DIAPH3: variants seen among roughly 807,000 people sequenced by gnomAD.
The protein encoded by DIAPH3 is diaphanous related formin 3, also known as protein diaphanous homolog 3.
Under a neutral mutation model 144.3 loss-of-function variants are expected in DIAPH3, and 117 were observed. The ratio of observed to expected loss-of-function variants is 0.81; its 90% CI spans 0.70 to 0.95. The LOEUF (loss-of-function observed/expected upper bound fraction) is 0.95. Among genes scored for constraint, DIAPH3 ranks in the 40% least tolerant of loss-of-function variants. The pLI is 0.00. For missense variants in DIAPH3, 1,421 were observed against 1,412.7 expected (o/e 1.01, Z -0.09); for synonymous variants, 519 against 488.9 (o/e 1.06, Z -0.81).
At chr13:59,967,154 C>T (rs1041270068) in intron 17 of DIAPH3, among the ~76,000 whole-genome samples, 11 of 152,038 alleles carry the variant, frequency 7.2e-5, no homozygotes, top group Non-Finnish European at 2.9e-5. Flanking sequence ...GCAACCTCTG[C>T]CTCCCAGGTT....
intron 25 of DIAPH3, among the ~76,000 whole-genome samples, chr13:59,779,378 T>C (rs1056012069): frequency 6.6e-6 from 1 of 152,192 alleles, no homozygotes; most frequent in Non-Finnish European, 1.5e-5. Context: ...GATAAATTGC[T>C]AAGTGATATA....
At chr13:60,102,065 T>C (rs1021553164) in intron 3 of DIAPH3, among the ~76,000 whole-genome samples, 1 of 152,206 alleles carries the variant, frequency 6.6e-6, no homozygotes, top group African/African-American at 2.4e-5. Flanking sequence ...AAAAGAAAGC[T>C]ATAATTCCAT....
chr13:59,752,095 T>C (rs1423514232), intron 27 of DIAPH3, among the ~76,000 whole-genome samples: 1 of 152,228 alleles, frequency 6.6e-6, no homozygotes, highest in East Asian at 1.9e-4. Flanking sequence ...GCCAATATCC[T>C]TGTTAGTATA....
intron 13 of DIAPH3, 112 bp from the exon 14 acceptor site, chr13:59,980,971 C>G: frequency 1.3e-6 from 1 of 782,796 alleles, no homozygotes; most frequent in Non-Finnish European, 2.1e-6. Flanking sequence ...CTGATACTAC[C>G]AGTAATAAAC....
At chr13:60,043,963 G>A (rs1313531879) in intron 4 of DIAPH3, among the ~76,000 whole-genome samples, 1 of 152,024 alleles carries the variant, frequency 6.6e-6, no homozygotes, top group Non-Finnish European at 1.5e-5. Flanking sequence ...AAACTTGAGT[G>A]TTTAAATAAA....
At chr13:59,734,258 C>A (rs1449112152) in intron 27 of DIAPH3, among the ~76,000 whole-genome samples, 1 of 152,062 alleles carries the variant, frequency 6.6e-6, no homozygotes, top group Non-Finnish European at 1.5e-5. Context: ...TAATACGTGA[C>A]ATTCTGCATT....
intron 2 of DIAPH3, among the ~76,000 whole-genome samples, chr13:60,129,291 A>G (rs1043451047): frequency 6.6e-6 from 1 of 152,156 alleles, no homozygotes; most frequent in African/African-American, 2.4e-5. Flanking sequence ...GGTATAAGCA[A>G]TGGAAGTTAT....
chr13:60,053,897 G>C (rs934967465), intron 4 of DIAPH3, among the ~76,000 whole-genome samples: 2 of 152,032 alleles, frequency 1.3e-5, no homozygotes, highest in Admixed American at 6.6e-5. Flanking sequence ...GAAAGAAGAT[G>C]ATACAGCATA....
At chr13:59,876,599 A>G (rs1054298635) in intron 21 of DIAPH3, among the ~76,000 whole-genome samples, 1 of 152,184 alleles carries the variant, frequency 6.6e-6, no homozygotes, top group Non-Finnish European at 1.5e-5. Context: ...TCATTCATTC[A>G]ACAGCTATTT....
At chr13:59,775,404 G>A (rs927864210) in intron 25 of DIAPH3, among the ~76,000 whole-genome samples, 2 of 152,010 alleles carry the variant, frequency 1.3e-5, no homozygotes, top group East Asian at 1.9e-4. Context: ...CACCACGCCC[G>A]GCTAATTTTT....
At chr13:59,968,039 T>A (rs887673421) in intron 17 of DIAPH3, among the ~76,000 whole-genome samples, 6 of 152,196 alleles carry the variant, frequency 3.9e-5, no homozygotes, top group East Asian at 1.9e-4. Context: ...GATGGAAATA[T>A]GGAGTATGCA....
At chr13:60,074,883 T>C (rs1369652876) in intron 4 of DIAPH3, among the ~76,000 whole-genome samples, 1 of 152,204 alleles carries the variant, frequency 6.6e-6, no homozygotes, top group African/African-American at 2.4e-5. Context: ...ATCATGTCTC[T>C]ATTGATAAAT....
intron 4 of DIAPH3, among the ~76,000 whole-genome samples, chr13:60,075,383 C>T (rs1216079383): frequency 6.6e-6 from 1 of 152,022 alleles, no homozygotes; most frequent in Non-Finnish European, 1.5e-5. Flanking sequence ...CTTGCTCCCT[C>T]TCTCTCTCTC....
At chr13:60,134,037 A>T (rs1472231902) in intron 1 of DIAPH3, among the ~76,000 whole-genome samples, 1 of 152,200 alleles carries the variant, frequency 6.6e-6, no homozygotes, top group Non-Finnish European at 1.5e-5. Flanking sequence ...CTCAGTGATG[A>T]TCCAGATTAA....
intron 4 of DIAPH3, among the ~76,000 whole-genome samples, chr13:60,076,705 GA>G (rs142034169): frequency 0.039 from 5,957 of 151,916 alleles, 170 homozygotes; most frequent in East Asian, 0.1. Flanking sequence ...TCTGAAAGAA[GA>G]AAAAAAGACT....
chr13:59,719,284 G>A lies in DIAPH3; in HGVS notation c.3320-52438C>T, dbSNP rs114413707. Among the ~76,000 whole-genome samples the A allele has an allele frequency of 6.9e-3, 1,045 of 152,272 alleles. 12 individuals carry two copies. Among genetic ancestry groups the A allele is most frequent in the African/African-American group, 0.023 (936 of 41,562 alleles). ...GTTCAATTGTAGCACATATAATGAA[G>A]AGAGCCACATTTTTACTTAGTGAAG... is the stretch of plus-strand genomic sequence containing the variant. On this transcript the variant is annotated intron_variant, in intron 27 of 27. Transcript: ENST00000400324.
intron 27 of DIAPH3, among the ~76,000 whole-genome samples, chr13:59,748,104 CT>C (rs2036793758): frequency 6.6e-6 from 1 of 152,196 alleles, no homozygotes; most frequent in Non-Finnish European, 1.5e-5. Context: ...GATTCTGCCC[CT>C]GGAACAACGT....
chr13:60,011,523 C>G (rs918738116), intron 7 of DIAPH3, among the ~76,000 whole-genome samples: 1 of 152,082 alleles, frequency 6.6e-6, no homozygotes, highest in African/African-American at 2.4e-5. Context: ...AACATATAAC[C>G]AATATAAAAC....
chr13:60,154,422 C>T (rs934127901), intron 1 of DIAPH3, among the ~76,000 whole-genome samples: 16 of 152,134 alleles, frequency 1.1e-4, no homozygotes, highest in African/African-American at 3.6e-4. Flanking sequence ...GAGAGTGGTT[C>T]AAGTCACTGC....
Sources: allele counts gnomAD v4.1 joint callset (sites outside exome capture counted in the v4.1 genomes callset), GRCh38; gene constraint gnomAD v4.1.1; transcripts MANE v1.5; gene names NCBI Gene and HGNC (gene_info 2026-07-23, HGNC 2026-07-21).